Variants in SLC25A29 observed in about 807,000 individuals in gnomAD.
SLC25A29 encodes mitochondrial basic amino acids transporter.
A neutral mutation model predicts 10.0 loss-of-function variants in SLC25A29; 13 were observed. That is an observed-to-expected ratio of 1.30 (90% CI 0.85 to 2.07). SLC25A29 has a LOEUF of 2.07. Among genes scored for constraint, SLC25A29 ranks in the 30% most tolerant of loss-of-function variants. SLC25A29 has a pLI of 0.00. For synonymous variants in SLC25A29, 244 were observed against 221.1 expected (o/e 1.10, Z -0.92); for missense variants, 475 against 447.6 (o/e 1.06, Z -0.55).
In SLC25A29 at chr14:100,291,931, G is replaced by A. The variant is rs922451978; in HGVS notation, c.*352C>T. ...CCCCGGGAGCCAGCCTGCAGGGCAG[G>A]AGCACAATGACGTGGCCAGGATCCC... On this transcript the variant is annotated 3_prime_UTR_variant, in exon 4 of 4. Transcript: ENST00000359232. 1 of 328,874 alleles carries A rather than the reference G, an allele frequency of 3.0e-6. No individual in the cohort carries two copies. Among genetic ancestry groups the A allele is most frequent in the African/African-American group, 2.3e-5 (1 of 43,854 alleles). The allele number at this position is 328,874 out of a possible 1,614,324, so 20.4% of individuals were successfully genotyped here. A position where few individuals can be genotyped will look rare whatever the true frequency, so the allele number is the denominator to read the frequency against.
chr14:100,286,477 G>GC (rs1392171898), downstream of SLC25A29, among the ~76,000 whole-genome samples: 238 of 150,254 alleles, frequency 1.6e-3, 9 homozygotes, highest in Non-Finnish European at 2.8e-3. Flanking sequence ...GGCTGGGGGG[G>GC]GGGGTGTTGC....
the SLC25A29 span, chr14:100,280,031 CA>C: frequency 6.6e-6 from 1 of 152,254 alleles, no homozygotes; most frequent in African/African-American, 2.4e-5. Flanking sequence ...CACGTCTTCT[CA>C]GTCTGCAGAG....
intron 2 of SLC25A29, chr14:100,295,933 G>T: frequency 7.8e-7 from 1 of 1,289,610 alleles, no homozygotes; most frequent in East Asian, 5.5e-5. Context: ...TCAGGACGGT[G>T]GCTGTGGTTC....
chr14:100,299,600 T>TTCACC, intron 1 of SLC25A29: 3 of 985,738 alleles, frequency 3.0e-6, no homozygotes, highest in Non-Finnish European at 3.6e-6. Flanking sequence ...AGGACAAAGG[T>TTCACC]TCACCCCTCC....
chr14:100,291,088 C>A (rs1335443266), downstream of SLC25A29: 3 of 152,336 alleles, frequency 2.0e-5, no homozygotes, highest in Non-Finnish European at 4.4e-5. Flanking sequence ...GCCCTTTCCT[C>A]CACCATATGC....
chr14:100,285,240 A>AGCCCTGCCC, the SLC25A29 span, among the ~76,000 whole-genome samples: 1 of 151,924 alleles, frequency 6.6e-6, no homozygotes, highest in Admixed American at 6.5e-5. Context: ...TAGCGCGGGC[A>AGCCCTGCCC]GCCCTGCCCG....
Position 100,292,870 on chromosome 14 carries a change from TGAC to T in SLC25A29, c.322_324del (p.Val108del). The T allele has an allele frequency of 6.2e-7, 1 of 1,601,772 alleles. No individual in the cohort carries two copies. On this transcript the variant is annotated inframe_deletion, in exon 4 of 4. Transcript: ENST00000359232. ...TTGGCCAGCTCCATGGGGCAGCAGATGACGCACTGGATGGCGCCCGCCGCCGCA... is the reference window on the plus strand; with the variant it reads ...TTGGCCAGCTCCATGGGGCAGCAGATGCACTGGATGGCGCCCGCCGCCGCA...
At chr14:100,287,634 C>CG (rs373667464), downstream of SLC25A29, among the ~76,000 whole-genome samples, 1 of 112,250 alleles carries the variant, frequency 8.9e-6, no homozygotes, top group Non-Finnish European at 1.9e-5. Flanking sequence ...CACCACCCCC[C>CG]CCCTCCGAAT....
downstream of SLC25A29, among the ~76,000 whole-genome samples, chr14:100,286,976 G>A (rs535047178): frequency 6.6e-6 from 1 of 152,384 alleles, no homozygotes; most frequent in South Asian, 2.1e-4. Context: ...CAAAATGGGG[G>A]TGCCAGCACC....
chr14:100,294,664 G>A (rs1258296860), intron 2 of SLC25A29: 1 of 152,224 alleles, frequency 6.6e-6, no homozygotes, highest in African/African-American at 2.4e-5. Flanking sequence ...CTCAGAGTGA[G>A]GGTGGGAGGG....
At chr14:100,295,880 CAG>C in intron 2 of SLC25A29, 1 of 1,289,764 alleles carries the variant, frequency 7.8e-7, no homozygotes, top group Non-Finnish European at 1.0e-6. Context: ...GGAAGCAGGA[CAG>C]AAAACTCCCT....
chr14:100,300,869 T>C (rs559513197), intron 1 of SLC25A29, among the ~76,000 whole-genome samples: 1 of 152,318 alleles, frequency 6.6e-6, no homozygotes, highest in South Asian at 2.1e-4. Context: ...TTTGATGGTT[T>C]GGGAAAATTA....
chr14:100,292,787 G>A lies in SLC25A29; in HGVS notation c.408C>T (p.Asp136=), dbSNP rs769602705. The A allele has an allele frequency of 4.4e-6, 7 of 1,596,920 alleles. No individual in the cohort carries two copies. The highest frequency in any genetic ancestry group is 6.0e-6 in the Non-Finnish European group (7 of 1,173,588). ...CGTGCCCGTAGATCTGCGCGAGGCA[G>A]TCCAGCGAGCCCTTGTAGGTGCGCG... ...GPARTYKGSL[D]CLAQIYGHEG... Residue 136 remains aspartate (D), a synonymous_variant, in exon 4 of 4, where the codon GAC becomes GAT. Coordinates refer to ENST00000359232, the MANE Select transcript of SLC25A29 (RefSeq NM_001039355.3).
intron 1 of SLC25A29, 49 bp from the exon 2 acceptor site, chr14:100,298,934 T>G: frequency 6.2e-7 from 1 of 1,609,430 alleles, no homozygotes; most frequent in Non-Finnish European, 8.5e-7. Flanking sequence ...AGAAACACAG[T>G]GCAGGGTGCT....
At chr14:100,290,516 G>C (rs976002204), downstream of SLC25A29, among the ~76,000 whole-genome samples, 1 of 152,256 alleles carries the variant, frequency 6.6e-6, no homozygotes, top group African/African-American at 2.4e-5. Flanking sequence ...TTGTCAGTGG[G>C]CAGAGCTTCT....
intron 1 of SLC25A29, 152 bp downstream of exon 1, chr14:100,306,047 C>T (rs1032691419): frequency 5.9e-6 from 3 of 510,432 alleles, no homozygotes; most frequent in African/African-American, 4.0e-5. Context: ...TTTACGCCCA[C>T]GAGACCCGCC....
At position 100,306,182 on chromosome 14, in the gene SLC25A29, G is replaced by A. The variant is rs756885940; in HGVS notation, c.34+17C>T. 4.1e-6 allele frequency: 6 copies of A among 1,475,188 alleles called. No individual in the cohort carries two copies. Among genetic ancestry groups the A allele is most frequent in the South Asian group, 1.3e-5 (1 of 77,076 alleles). The allele number at this position is 1,475,188 out of a possible 1,614,324, so 91.4% of individuals were successfully genotyped here. On this transcript the variant is annotated intron_variant, in intron 1 of 3. Coordinates refer to ENST00000359232, the MANE Select transcript of SLC25A29 (RefSeq NM_001039355.3). The stretch of plus-strand genomic sequence containing the variant: ...GGACGCCTCGCCCCGGCCCGGCCCG[G>A]CCCGCCGCCTCCTTACCCCCCGCGC...
chr14:100,305,846 A>C, intron 1 of SLC25A29: 1 of 258,546 alleles, frequency 3.9e-6, no homozygotes, highest in East Asian at 7.1e-5. Flanking sequence ...CCCAGTGCGC[A>C]ACGGATGGGG....
chr14:100,292,006 G>T lies in SLC25A29; in HGVS notation c.*277C>A. 1 of 478,868 alleles carries T rather than the reference G, an allele frequency of 2.1e-6. No individual in the cohort carries two copies. Among genetic ancestry groups the T allele is most frequent in the East Asian group, 4.4e-5 (1 of 22,560 alleles). The allele number at this position is 478,868 out of a possible 1,614,324, so 29.7% of individuals were successfully genotyped here. A position where few individuals can be genotyped will look rare whatever the true frequency, so the allele number is the denominator to read the frequency against. The stretch of plus-strand genomic sequence containing the variant: ...CAGTTTCCAGGATAACGGTGCAATG[G>T]CCTCAGCCAGGCCAGGTGCTGGCTG... On this transcript the variant is annotated 3_prime_UTR_variant, in exon 4 of 4. Coordinates refer to ENST00000359232, the MANE Select transcript of SLC25A29 (RefSeq NM_001039355.3).
Sources: gnomAD v4.1 joint callset for allele counts (sites outside exome capture counted in the v4.1 genomes callset) on GRCh38, gnomAD v4.1.1 for gene constraint, MANE v1.5 for transcripts, NCBI Gene and HGNC (gene_info 2026-07-23, HGNC 2026-07-21) for gene names.